The following ADAMTS20 variants were observed in gnomAD, a reference collection of about 807,000 sequenced individuals.
The protein encoded by ADAMTS20 is A disintegrin and metalloproteinase with thrombospondin motifs 20.
Under a neutral mutation model 260.1 loss-of-function variants are expected in ADAMTS20, and 225 were observed. That is an observed-to-expected ratio of 0.87 (90% CI 0.78 to 0.97). The LOEUF is 0.97. Ranked by LOEUF, ADAMTS20 falls within the 50% of genes least tolerant of loss-of-function variation. The pLI, the probability that ADAMTS20 is intolerant of heterozygous loss-of-function variation, is 0.00. For synonymous variants in ADAMTS20, 802 were observed against 769.5 expected, an observed-to-expected ratio of 1.04 and a Z score of -0.70; for missense variants, 2,400 against 2,337.7, an observed-to-expected ratio of 1.03 and a Z score of -0.55.
chr12:43,510,459 T>G (rs1592103698), intron 3 of ADAMTS20, among the ~76,000 whole-genome samples: 1 of 151,896 alleles, frequency 6.6e-6, no homozygotes, highest in African/African-American at 2.4e-5. Flanking sequence ...TTTTTTTTTT[T>G]GTATTTATAC....
intron 36 of ADAMTS20, 21 bp from the exon 37 acceptor site, chr12:43,369,402 C>T: frequency 1.4e-6 from 2 of 1,421,638 alleles, no homozygotes; most frequent in Non-Finnish European, 1.9e-6. Flanking sequence ...ATAAATAAAA[C>T]TCTTTAGCAT....
chr12:43,374,399 C>T (rs570582861), intron 36 of ADAMTS20, among the ~76,000 whole-genome samples: 5 of 152,092 alleles, frequency 3.3e-5, no homozygotes, highest in Non-Finnish European at 5.9e-5. Context: ...GTGAAATGCA[C>T]TTTTTTGCCT....
chr12:43,530,332 T>A (rs1943202809), intron 3 of ADAMTS20, among the ~76,000 whole-genome samples: 1 of 152,160 alleles, frequency 6.6e-6, no homozygotes, highest in Admixed American at 6.6e-5. Context: ...GAATAGTAGA[T>A]CAGAACAAGC....
intron 28 of ADAMTS20, among the ~76,000 whole-genome samples, chr12:43,409,629 A>AAAAAAAAAAAC: frequency 2.1e-5 from 3 of 142,286 alleles, no homozygotes; most frequent in Non-Finnish European, 4.6e-5. Flanking sequence ...AAAAAAAAAA[A>AAAAAAAAAAAC]ACAAGAAAAT....
At chr12:43,432,915 A>G (rs1298815931) in intron 19 of ADAMTS20, 104 bp from the exon 20 acceptor site, 2 of 1,042,308 alleles carry the variant, frequency 1.9e-6, no homozygotes, top group Non-Finnish European at 2.8e-6. Context: ...AAGTTGATAG[A>G]CAAACCACCA....
chr12:43,506,246 A>G (rs61926794), intron 3 of ADAMTS20, among the ~76,000 whole-genome samples: 4 of 152,050 alleles, frequency 2.6e-5, no homozygotes, highest in African/African-American at 9.7e-5. Context: ...TTTTTTTTAA[A>G]TCCTGTATGA....
chr12:43,402,874 A>ATT (rs140385154), intron 28 of ADAMTS20, among the ~76,000 whole-genome samples: 2 of 150,664 alleles, frequency 1.3e-5, no homozygotes, highest in African/African-American at 4.9e-5. Context: ...TGTTACTGAG[A>ATT]TTTTTTTTTT....
intron 29 of ADAMTS20, among the ~76,000 whole-genome samples, chr12:43,393,292 A>G (rs1172407744): frequency 6.6e-6 from 1 of 152,082 alleles, no homozygotes; most frequent in Non-Finnish European, 1.5e-5. Flanking sequence ...CAGGTAATGA[A>G]TGTAAAGGCA....
intron 28 of ADAMTS20, among the ~76,000 whole-genome samples, chr12:43,407,373 G>A (rs1940939188): frequency 6.6e-6 from 1 of 151,384 alleles, no homozygotes; most frequent in Non-Finnish European, 1.5e-5. Context: ...ATATGTACAT[G>A]TATGTACACT....
intron 28 of ADAMTS20, among the ~76,000 whole-genome samples, chr12:43,419,874 A>G (rs904483086): frequency 6.6e-6 from 1 of 152,132 alleles, no homozygotes; most frequent in Non-Finnish European, 1.5e-5. Context: ...TCTGAACATC[A>G]TATCTAGGAC....
At chr12:43,508,106 A>G (rs984275669) in intron 3 of ADAMTS20, among the ~76,000 whole-genome samples, 6 of 152,166 alleles carry the variant, frequency 3.9e-5, no homozygotes, top group African/African-American at 1.4e-4. Context: ...GTTTACCTAC[A>G]TAACAAACTG....
intron 7 of ADAMTS20, among the ~76,000 whole-genome samples, chr12:43,486,324 G>T (rs1280653023): frequency 2.0e-5 from 3 of 152,016 alleles, no homozygotes; most frequent in Non-Finnish European, 1.5e-5. Flanking sequence ...ATATAAATTG[G>T]GGAAAGAATA....
chr12:43,443,275 A>C (rs1286874809), intron 16 of ADAMTS20, among the ~76,000 whole-genome samples: 1 of 152,208 alleles, frequency 6.6e-6, no homozygotes, highest in Non-Finnish European at 1.5e-5. Context: ...AATTAAGTTT[A>C]TACTTTAGAA....
Position 43,430,304 on chromosome 12 carries a change from C to A in ADAMTS20, c.3381+48G>T, listed in dbSNP as rs749343170. On this transcript the variant is annotated intron_variant, in intron 23 of 38. Transcript: ENST00000389420. ...GAAATAATTTTAACACATCAATAAT[C>A]TTTCTGTCTCATAAATCTTTTTGTT... 7.0e-6 allele frequency: 11 copies of A among 1,561,918 alleles called. No homozygotes were observed. In the Admixed American group the frequency reaches 2.0e-4, roughly 29 times the overall value.
intron 36 of ADAMTS20, among the ~76,000 whole-genome samples, chr12:43,370,547 A>G (rs757983183): frequency 5.3e-5 from 8 of 152,222 alleles, no homozygotes; most frequent in Non-Finnish European, 1.2e-4. Context: ...GTCAACAGCC[A>G]GTTTCATCAG....
chr12:43,551,187 G>A lies in ADAMTS20; in HGVS notation c.175C>T (p.His59Tyr), dbSNP rs754630594. The change falls in exon 2 of 39, where the codon CAC (histidine) becomes TAC (tyrosine). Residue 59 changes from histidine to tyrosine, a missense_variant. Coordinates refer to ENST00000389420, the MANE Select transcript of ADAMTS20 (RefSeq NM_025003.5). This position sits in a 1 kb window ranked among gnomAD's most constrained non-coding sequence, Gnocchi z 4.6. ...NEFGEVFPQS[H>Y]HFSRQKRSSE... is the part of the protein sequence containing the mutation. ...CTGCGTTTCTGCCGGCTGAAGTGGT[G>A]GCTCTGAGGGAACACTTCTCCAAAC... 1.2e-6 allele frequency: 2 copies of A among 1,613,916 alleles called. No individual in the cohort carries two copies. Among genetic ancestry groups the A allele is most frequent in the South Asian group, 1.1e-5 (1 of 91,076 alleles).
At chr12:43,358,882 T>A (rs577160308) in intron 37 of ADAMTS20, among the ~76,000 whole-genome samples, 2 of 148,674 alleles carry the variant, frequency 1.3e-5, no homozygotes, top group East Asian at 3.9e-4. Context: ...GAACTATAAG[T>A]GCCATAAAAA....
At chr12:43,543,039 C>T (rs1156850680) in intron 2 of ADAMTS20, among the ~76,000 whole-genome samples, 1 of 152,174 alleles carries the variant, frequency 6.6e-6, no homozygotes, top group Non-Finnish European at 1.5e-5. Flanking sequence ...TTGGCTCATG[C>T]CCGTAATCCC....
chr12:43,539,073 C>T (rs761280725), intron 2 of ADAMTS20, among the ~76,000 whole-genome samples: 2 of 151,790 alleles, frequency 1.3e-5, no homozygotes, highest in Non-Finnish European at 2.9e-5. Context: ...CTGCCTCAGC[C>T]TCCCAAGTAG....
Sources: allele counts gnomAD v4.1 joint callset (sites outside exome capture counted in the v4.1 genomes callset), GRCh38; gene constraint gnomAD v4.1.1; non-coding constraint Gnocchi (gnomAD v3.1); transcripts MANE v1.5; gene names NCBI Gene and HGNC (gene_info 2026-07-23, HGNC 2026-07-21).